The following NEB variants were observed in gnomAD, a reference collection of about 807,000 sequenced individuals.
NEB encodes the protein nemaline myopathy type 2.
A neutral mutation model predicts 952.2 loss-of-function variants in NEB; 512 were observed. That is an observed-to-expected ratio of 0.54 (90% CI 0.50 to 0.58). The LOEUF (loss-of-function observed/expected upper bound fraction) is 0.58, where lower values mean the gene tolerates loss of function less well. NEB is among the 20% of genes least tolerant of loss of function. NEB has a pLI of 0.00. For missense variants in NEB, 8,428 were observed against 9,231.1 expected, an observed-to-expected ratio of 0.91 and a Z score of 3.56; for synonymous variants, 2,900 against 3,149.8, an observed-to-expected ratio of 0.92 and a Z score of 2.66.
At chr2:151,690,494 A>G (rs2099539911) in intron 24 of NEB, 1 of 419,106 alleles carries the variant, frequency 2.4e-6, no homozygotes, top group African/African-American at 2.0e-5. Flanking sequence ...AGATAGTCCT[A>G]CTAAAAATCA....
intron 180 of NEB, 51 bp downstream of exon 180, chr2:151,490,321 T>C (rs1301107230): frequency 3.8e-6 from 6 of 1,560,378 alleles, no homozygotes; most frequent in South Asian, 3.5e-5. Context: ...ATAGTAACCA[T>C]CAATGAGCTG....
intron 5 of NEB, among the ~76,000 whole-genome samples, chr2:151,726,869 A>C (rs550142812): frequency 1.3e-5 from 2 of 151,590 alleles, no homozygotes; most frequent in Non-Finnish European, 2.9e-5. Flanking sequence ...CTATGAAAAA[A>C]TAATTAGGAG....
At chr2:151,648,722 T>C (rs531081657) in intron 54 of NEB, among the ~76,000 whole-genome samples, 42 of 152,216 alleles carry the variant, frequency 2.8e-4, no homozygotes, top group Non-Finnish European at 4.9e-4. Flanking sequence ...ACCAAAAATA[T>C]TTCTAGATGT....
rs556224656 is a variant in NEB, at chr2:151,491,680, C to T, written c.25150+3G>A. 3.5e-5 allele frequency: 56 copies of T among 1,580,258 alleles called. No individual in the cohort carries two copies. The South Asian group carries it at 5.6e-4, about 16-fold the overall frequency. On this transcript the variant is annotated splice_donor_region_variant and intron_variant, in intron 179 of 181. Coordinates refer to ENST00000397345, the MANE Select transcript of NEB (RefSeq NM_001164508.2). ...TGTTGTAAGCCTTTTTCAGCTAACA[C>T]ACCATTAATCATGTGTAAGCTTCGG...
intron 124 of NEB, among the ~76,000 whole-genome samples, chr2:151,557,664 T>C (rs1020382481): frequency 5.9e-5 from 9 of 152,224 alleles, no homozygotes; most frequent in African/African-American, 1.9e-4. Flanking sequence ...AAAAAGCTTA[T>C]CTACCTTGAT....
At chr2:151,679,569 C>T (rs889081520) in intron 32 of NEB, among the ~76,000 whole-genome samples, 152 bp downstream of exon 32, 2 of 152,170 alleles carry the variant, frequency 1.3e-5, no homozygotes, top group East Asian at 1.9e-4. Flanking sequence ...AAATTTAAAT[C>T]TATTTAGGGA....
Position 151,534,201 on chromosome 2 carries a change from C to T in NEB, c.21313-655G>A, listed in dbSNP as rs888033278. ...CAGTCCTGCCTGGGCCACCGGCCAGCCCCATCACAGTACCTGACTGATCTG... is the reference window on the plus strand; with the variant it reads ...CAGTCCTGCCTGGGCCACCGGCCAGTCCCATCACAGTACCTGACTGATCTG... On this transcript the variant is annotated intron_variant, in intron 142 of 181. Coordinates refer to ENST00000397345, the MANE Select transcript of NEB (RefSeq NM_001164508.2). 5 of 1,604,110 alleles carry T rather than the reference C, an allele frequency of 3.1e-6. No individual in the cohort carries two copies. The highest frequency in any genetic ancestry group is 2.7e-5 in the African/African-American group (2 of 74,726).
At chr2:151,688,216 T>C in intron 25 of NEB, 76 bp downstream of exon 25, 5 of 1,207,310 alleles carry the variant, frequency 4.1e-6, no homozygotes, top group Non-Finnish European at 5.9e-6. Context: ...CAATTCCTTG[T>C]CTTGTCTTTT....
At chr2:151,555,075 G>C (rs1281139079) in intron 124 of NEB, 31 bp from the exon 125 acceptor site, 1 of 1,393,576 alleles carries the variant, frequency 7.2e-7, no homozygotes, top group Non-Finnish European at 1.0e-6. Flanking sequence ...GGAAGAAACA[G>C]TTTTAGAGAG....
chr2:151,547,713 T>C lies in NEB; in HGVS notation c.20183A>G (p.Lys6728Arg). 1 of 1,613,522 alleles carries C rather than the reference T, an allele frequency of 6.2e-7. No individual in the cohort carries two copies. Among genetic ancestry groups the C allele is most frequent in the Non-Finnish European group, 8.5e-7 (1 of 1,179,730 alleles). ...AGTTGTATGGATCTTGTCTTTCAGTTTGTGGTACAATTCCCGATACAGTCT... is the reference window on the plus strand; with the variant it reads ...AGTTGTATGGATCTTGTCTTTCAGTCTGTGGTACAATTCCCGATACAGTCT... ...SERLYRELYH[K>R]LKDKIHTTPD... Residue 6728 changes from lysine (K) to arginine (R), a missense_variant, in exon 132 of 182, where the codon AAA becomes AGA. Lys to Arg is a conservative substitution (Grantham distance 26). Transcript: ENST00000397345.
intron 13 of NEB, among the ~76,000 whole-genome samples, chr2:151,702,045 C>G (rs1158592869): frequency 1.3e-5 from 2 of 149,024 alleles, no homozygotes; most frequent in Non-Finnish European, 3.0e-5. Flanking sequence ...GAATGCGTCC[C>G]AGAGATTCTG....
intron 124 of NEB, 124 bp from the exon 125 acceptor site, chr2:151,555,168 C>A: frequency 1.5e-6 from 1 of 655,556 alleles, no homozygotes. Context: ...GGGGACAACA[C>A]TTCTCTGAAC....
At chr2:151,529,768 A>T (rs1298628200) in intron 145 of NEB, among the ~76,000 whole-genome samples, 1 of 152,102 alleles carries the variant, frequency 6.6e-6, no homozygotes, top group Non-Finnish European at 1.5e-5. Flanking sequence ...ACCTCAGGTG[A>T]TCCCGCCCAC....
intron 106 of NEB, 105 bp from the exon 107 acceptor site, chr2:151,575,904 C>G: frequency 2.3e-6 from 2 of 861,684 alleles, no homozygotes; most frequent in Non-Finnish European, 3.8e-6. Context: ...AAAACCCTTT[C>G]ATGTTAGGGC....
At position 151,627,525 on chromosome 2, in the gene NEB, C is replaced by G. The variant is rs374760449; in HGVS notation, c.10141G>C (p.Asp3381His). The change falls in exon 69 of 182, where the codon GAT becomes CAT. Residue 3381 changes from aspartate (D) to histidine (H), a missense_variant and splice_region_variant. Around this residue, in one of 11 missense-constraint regions of NEB, gnomAD observed 1,772 missense variants for 1,960.3 expected, o/e 0.90. Transcript: ENST00000397345. ...TACCATGGATCTTAATTACTCACAT[C>G]GCTCTGGAGGTCATAGGCCTGCCGA... Reference protein sequence around the residue: ...HARQAYDLQSDNIYKSDLQWL... With the variant: ...HARQAYDLQSHNIYKSDLQWL... 6.2e-7 allele frequency: 1 copy of G among 1,613,258 alleles called. No homozygotes were observed. Among genetic ancestry groups the G allele is most frequent in the African/African-American group, 1.3e-5 (1 of 75,042 alleles).
intron 78 of NEB, 94 bp downstream of exon 78, chr2:151,612,092 T>G: frequency 5.9e-6 from 8 of 1,365,558 alleles, no homozygotes; most frequent in Middle Eastern, 2.6e-4. Flanking sequence ...CTATGACACC[T>G]CCTTTCTCAG....
chr2:151,634,674 A>G (rs2154083498), intron 64 of NEB, among the ~76,000 whole-genome samples: 1 of 151,936 alleles, frequency 6.6e-6, no homozygotes, highest in South Asian at 2.1e-4. Context: ...AAAACAGTAA[A>G]ATGAGTGACT....
At chr2:151,529,169 G>A (rs372061947) in intron 146 of NEB, 41 bp downstream of exon 146, 11 of 1,362,096 alleles carry the variant, frequency 8.1e-6, no homozygotes, top group Admixed American at 5.1e-5. Flanking sequence ...ACAGAAGCTG[G>A]TAAATCCCCC....
intron 154 of NEB, among the ~76,000 whole-genome samples, 186 bp downstream of exon 154, chr2:151,519,472 G>C (rs1296384247): frequency 6.6e-6 from 1 of 152,138 alleles, no homozygotes; most frequent in Non-Finnish European, 1.5e-5. Context: ...AGGAGCTGAC[G>C]GGAGGAGGGA....
Sources: allele counts gnomAD v4.1 joint callset (sites outside exome capture counted in the v4.1 genomes callset), GRCh38; gene constraint gnomAD v4.1.1; regional missense constraint gnomAD v4.1.1; transcripts MANE v1.5; gene names NCBI Gene and HGNC (gene_info 2026-07-23, HGNC 2026-07-21).